PIGU: variants seen among roughly 807,000 people sequenced by gnomAD.
PIGU encodes the protein phosphatidylinositol glycan anchor biosynthesis class U.
Under a neutral mutation model 49.9 loss-of-function variants are expected in PIGU, and 24 were observed. The observed-to-expected ratio is 0.48, with a 90% CI of 0.35 to 0.68. The LOEUF is 0.68. PIGU is among the 30% of genes least tolerant of loss of function. The pLI, the probability that PIGU is intolerant of heterozygous loss-of-function variation, is 0.01. For synonymous variants in PIGU, 220 were observed against 205.7 expected (o/e 1.07, Z -0.59); for missense variants, 490 against 532.6 (o/e 0.92, Z 0.79).
intron 1 of PIGU, among the ~76,000 whole-genome samples, chr20:34,666,513 A>G (rs1987098413): frequency 1.3e-5 from 2 of 150,094 alleles, no homozygotes; most frequent in Non-Finnish European, 3.0e-5. Context: ...AAGCAAGCTT[A>G]TTTAATTAAT....
intron 7 of PIGU, among the ~76,000 whole-genome samples, chr20:34,608,575 T>C (rs931302525): frequency 1.3e-5 from 2 of 152,068 alleles, no homozygotes; most frequent in Admixed American, 6.6e-5. Context: ...TGCTCTTACA[T>C]ACTACATTAG....
intron 4 of PIGU, 40 bp downstream of exon 4, chr20:34,644,124 C>A (rs1474336825): frequency 1.3e-6 from 2 of 1,540,344 alleles, no homozygotes; most frequent in South Asian, 2.2e-5. Flanking sequence ...CAGAAGGTTA[C>A]CAAATTCCAC....
intron 6 of PIGU, among the ~76,000 whole-genome samples, chr20:34,626,608 A>C (rs1651718131): frequency 6.6e-6 from 1 of 152,114 alleles, no homozygotes; most frequent in African/African-American, 2.4e-5. Context: ...CTGGCCAAAA[A>C]AACTCCAAAC....
At chr20:34,594,660 G>C (rs1417327389) in intron 7 of PIGU, among the ~76,000 whole-genome samples, 1 of 152,200 alleles carries the variant, frequency 6.6e-6, no homozygotes, top group Non-Finnish European at 1.5e-5. Flanking sequence ...TGTAATCCCA[G>C]CTACTCGGGA....
chr20:34,667,616 T>C (rs1368477115), intron 1 of PIGU, among the ~76,000 whole-genome samples: 2 of 152,146 alleles, frequency 1.3e-5, no homozygotes, highest in Admixed American at 6.6e-5. Context: ...TCCAAATCTA[T>C]ACTGACATAA....
intron 11 of PIGU, among the ~76,000 whole-genome samples, chr20:34,573,235 TAA>T (rs1983086914): frequency 6.6e-6 from 1 of 152,054 alleles, no homozygotes; most frequent in Non-Finnish European, 1.5e-5. Flanking sequence ...AAATACATTT[TAA>T]AAAGAGATTA....
chr20:34,645,275 C>A lies in PIGU; in HGVS notation c.255G>T (p.Met85Ile). The A allele has an allele frequency of 6.4e-7, 1 of 1,562,010 alleles. No individual in the cohort carries two copies. The highest frequency in any genetic ancestry group is 8.6e-7 in the Non-Finnish European group (1 of 1,161,264). Residue 85 changes from methionine to isoleucine, a missense_variant and splice_region_variant, in exon 3 of 12, where the codon ATG becomes ATT. Met to Ile is a conservative substitution (Grantham distance 10, BLOSUM62 1). Transcript: ENST00000217446. Reference protein sequence around the residue: ...FLIDYAELVFMITDALTAIAL... With the variant: ...FLIDYAELVFIITDALTAIAL... ...CAATTTTATATGGAAGGTTACTTACCATAAACACCAATTCAGCATAGTCAA... is the reference window on the plus strand; with the variant it reads ...CAATTTTATATGGAAGGTTACTTACAATAAACACCAATTCAGCATAGTCAA...
intron 6 of PIGU, among the ~76,000 whole-genome samples, chr20:34,616,851 C>T (rs925859061): frequency 5.3e-5 from 8 of 152,140 alleles, no homozygotes; most frequent in African/African-American, 1.4e-4. Context: ...AAGTAACTCA[C>T]GCCTATAATC....
At chr20:34,615,973 C>T in intron 7 of PIGU, 69 bp downstream of exon 7, 1 of 1,515,592 alleles carries the variant, frequency 6.6e-7, no homozygotes, top group Non-Finnish European at 8.8e-7. Flanking sequence ...CCCTTCCTTT[C>T]CCCCAGCAGG....
At chr20:34,623,864 G>A (rs1037112646) in intron 6 of PIGU, among the ~76,000 whole-genome samples, 1 of 152,144 alleles carries the variant, frequency 6.6e-6, no homozygotes, top group Non-Finnish European at 1.5e-5. Flanking sequence ...GGGTTGACCT[G>A]ACAAAAACTG....
chr20:34,565,538 A>G (rs534089177), intron 11 of PIGU, among the ~76,000 whole-genome samples: 94 of 152,210 alleles, frequency 6.2e-4, no homozygotes, highest in South Asian at 2.3e-3. Context: ...TATTACAGGC[A>G]TGAGCCACCG....
intron 1 of PIGU, among the ~76,000 whole-genome samples, chr20:34,673,982 G>A (rs1378668700): frequency 3.9e-5 from 6 of 152,134 alleles, no homozygotes; most frequent in Admixed American, 3.9e-4. Flanking sequence ...GAACCTGGGA[G>A]GCAGAGGTTG....
At chr20:34,653,984 A>C (rs980219290) in intron 2 of PIGU, among the ~76,000 whole-genome samples, 2 of 151,080 alleles carry the variant, frequency 1.3e-5, no homozygotes, top group African/African-American at 4.9e-5. Context: ...CAGCCTCCTG[A>C]GTAGCTGGGA....
intron 7 of PIGU, among the ~76,000 whole-genome samples, chr20:34,602,465 T>C (rs530816023): frequency 5.5e-4 from 83 of 151,864 alleles, no homozygotes; most frequent in African/African-American, 1.9e-3. Context: ...GGCGTGGTGG[T>C]GGGTGCCTGT....
intron 6 of PIGU, among the ~76,000 whole-genome samples, chr20:34,621,151 T>C (rs973092392): frequency 1.3e-5 from 2 of 151,938 alleles, no homozygotes; most frequent in Admixed American, 6.5e-5. Flanking sequence ...TATCTTAACT[T>C]TGGCTCTCCA....
At chr20:34,570,357 T>C (rs1214513086) in intron 11 of PIGU, among the ~76,000 whole-genome samples, 1 of 152,228 alleles carries the variant, frequency 6.6e-6, no homozygotes, top group African/African-American at 2.4e-5. Flanking sequence ...CAGAAGATTA[T>C]AGGGATCACG....
At chr20:34,600,506 G>A (rs1361128002) in intron 7 of PIGU, among the ~76,000 whole-genome samples, 2 of 151,928 alleles carry the variant, frequency 1.3e-5, no homozygotes, top group Non-Finnish European at 2.9e-5. Context: ...AAGTATTTAG[G>A]TTCTGAGTTA....
chr20:34,647,271 GT>G (rs1986380583), intron 2 of PIGU, among the ~76,000 whole-genome samples: 1 of 113,980 alleles, frequency 8.8e-6, no homozygotes, highest in Non-Finnish European at 1.8e-5. Context: ...GTGCCCGGCC[GT>G]TTTTTGTTTG....
intron 7 of PIGU, among the ~76,000 whole-genome samples, chr20:34,596,527 C>G (rs1294841109): frequency 6.6e-6 from 1 of 152,108 alleles, no homozygotes; most frequent in African/African-American, 2.4e-5. Flanking sequence ...ACAAGAAACT[C>G]TGTACTATTT....
Sources: gnomAD v4.1 joint callset for allele counts (sites outside exome capture counted in the v4.1 genomes callset) on GRCh38, gnomAD v4.1.1 for gene constraint, MANE v1.5 for transcripts, NCBI Gene and HGNC (gene_info 2026-07-23, HGNC 2026-07-21) for gene names.